RAPGEF1: variants seen among roughly 807,000 people sequenced by gnomAD.
RAPGEF1 encodes the protein Rap guanine nucleotide exchange factor 1.
RAPGEF1 carries 33 observed loss-of-function variants against 143.3 expected under a neutral mutation model. The ratio of observed to expected loss-of-function variants is 0.23; its 90% CI spans 0.17 to 0.31. The LOEUF is 0.31. Among genes scored for constraint, RAPGEF1 ranks in the 10% least tolerant of loss-of-function variants. The probability of loss-of-function intolerance (pLI) is 1.00; values close to 1 mark genes in which losing one functional copy is unlikely to be tolerated. For synonymous variants in RAPGEF1, 629 were observed against 676.5 expected (o/e 0.93, Z 1.09); for missense variants, 1,199 against 1,645.4 (o/e 0.73, Z 4.69).
In RAPGEF1 at chr9:131,607,245, A is replaced by G. The variant is rs80274551; in HGVS notation, c.2062-2057T>C. On this transcript the variant is annotated intron_variant, in intron 12 of 26. Transcript: ENST00000683357. ...CAGCACTGAACACTCAGGTACCTGT[A>G]CAAGTGAAGTTCCCTTCATATCCTT... Among the ~76,000 whole-genome samples the G allele has an allele frequency of 1.6e-4, 24 of 152,334 alleles. 1 individual carries two copies. In the East Asian group the frequency reaches 4.2e-3, roughly 27 times the overall value.
intron 5 of RAPGEF1, among the ~76,000 whole-genome samples, chr9:131,635,490 C>T (rs74421145): frequency 1.3e-5 from 2 of 152,072 alleles, no homozygotes; most frequent in African/African-American, 2.4e-5. Context: ...AGTGTAAGAA[C>T]GTCCAACGCC....
intron 1 of RAPGEF1, among the ~76,000 whole-genome samples, chr9:131,708,924 G>A (rs1417527678): frequency 3.3e-5 from 5 of 152,256 alleles, no homozygotes; most frequent in South Asian, 2.1e-4. Flanking sequence ...GTAGAGACGG[G>A]GTTTCGCCAG....
chr9:131,716,872 C>T (rs1203510497), intron 1 of RAPGEF1, among the ~76,000 whole-genome samples: 4 of 152,190 alleles, frequency 2.6e-5, no homozygotes, highest in Non-Finnish European at 2.9e-5. Context: ...TGGAGTCTGG[C>T]CCCAAATTAC....
chr9:131,585,361 TA>T (rs201575412), intron 22 of RAPGEF1, among the ~76,000 whole-genome samples: 42 of 108,206 alleles, frequency 3.9e-4, no homozygotes, highest in South Asian at 1.6e-3. Context: ...TAATTTTTTG[TA>T]GGGGGGGGGC....
At chr9:131,636,528 T>C (rs1389703632) in intron 5 of RAPGEF1, among the ~76,000 whole-genome samples, 6 of 152,206 alleles carry the variant, frequency 3.9e-5, no homozygotes, top group African/African-American at 9.6e-5. Context: ...ATAGAGGAAA[T>C]GTACTTGGGA....
rs118185641 is a variant in RAPGEF1, at chr9:131,655,688, A to G, written c.62-4739T>C. Among the ~76,000 whole-genome samples, 5,959 of 152,270 alleles carry G rather than the reference A, an allele frequency of 0.039. 239 individuals carry two copies. The highest frequency in any genetic ancestry group is 0.09 in the East Asian group (464 of 5,180). ...GGAGAATGGCGTGAATCCAGGAGGC[A>G]GAGCATGCAGTGCAAGATTGCACCA... On this transcript the variant is annotated intron_variant, in intron 1 of 26. Transcript: ENST00000683357. This position sits in a 1 kb window ranked among gnomAD's most constrained non-coding sequence, Gnocchi z 4.1.
intron 15 of RAPGEF1, 24 bp from the exon 16 acceptor site, chr9:131,598,334 T>C: frequency 1.2e-6 from 2 of 1,601,670 alleles, no homozygotes; most frequent in Non-Finnish European, 8.5e-7. Flanking sequence ...TGGTTTGTGT[T>C]GCAAGTGTCA....
chr9:131,704,298 A>G (rs1051286164), intron 1 of RAPGEF1, among the ~76,000 whole-genome samples: 3 of 150,152 alleles, frequency 2.0e-5, no homozygotes, highest in African/African-American at 7.4e-5. Context: ...AGGCAAGTCT[A>G]AACACCTTTG....
rs536941208 is a variant in RAPGEF1, at chr9:131,583,769, C to A, written c.3414+542G>T. Among the ~76,000 whole-genome samples, 2 of 152,296 alleles carry A rather than the reference C, an allele frequency of 1.3e-5. No individual in the cohort carries two copies. The highest frequency in any genetic ancestry group is 3.9e-4 in the East Asian group (2 of 5,182). ...TCCTCCTGTCCCTGGAGGTGCTGAC[C>A]CCCACCTGCTCCTGGCTGTGCACTC... is the stretch of plus-strand genomic sequence containing the variant. On this transcript the variant is annotated intron_variant, in intron 24 of 26. Coordinates refer to ENST00000683357, the MANE Select transcript of RAPGEF1 (RefSeq NM_001377935.1). The surrounding 1 kb of genome is among the most constrained non-coding windows in gnomAD (Gnocchi z 4.7).
chr9:131,620,539 G>A lies in RAPGEF1; in HGVS notation c.1905+1257C>T, dbSNP rs971007369. On this transcript the variant is annotated intron_variant, in intron 11 of 26. Coordinates refer to ENST00000683357, the MANE Select transcript of RAPGEF1 (RefSeq NM_001377935.1). The stretch of plus-strand genomic sequence containing the variant: ...ACATTCTCAATTGTGTCTGTGGGAC[G>A]GGCAGGGCAGGTGAGGATCTGAGAC... 7.2e-5 allele frequency among the ~76,000 whole-genome samples: 11 copies of A among 152,248 alleles called. No homozygotes were observed. The East Asian group carries it at 7.7e-4, about 11-fold the overall frequency.
intron 1 of RAPGEF1, among the ~76,000 whole-genome samples, chr9:131,654,004 T>C (rs192516947): frequency 1.3e-5 from 2 of 152,346 alleles, no homozygotes; most frequent in East Asian, 3.9e-4. Flanking sequence ...AAACATTATT[T>C]AAGCTAAAGC....
At chr9:131,692,328 T>C (rs1016618989) in intron 1 of RAPGEF1, among the ~76,000 whole-genome samples, 31 of 152,232 alleles carry the variant, frequency 2.0e-4, no homozygotes, top group Non-Finnish European at 2.9e-4. Flanking sequence ...CACCTGTTAT[T>C]AGATTGTAGC....
intron 1 of RAPGEF1, among the ~76,000 whole-genome samples, chr9:131,668,606 G>A (rs1051527797): frequency 8.5e-5 from 13 of 152,098 alleles, no homozygotes; most frequent in Admixed American, 3.3e-4. Flanking sequence ...AGCCCTAGCC[G>A]GTGTCCTGAA....
intron 1 of RAPGEF1, among the ~76,000 whole-genome samples, chr9:131,702,424 T>C (rs958023971): frequency 1.4e-4 from 22 of 152,224 alleles, no homozygotes; most frequent in African/African-American, 5.1e-4. Flanking sequence ...TTAAATTTTA[T>C]AACAAAATGG....
At chr9:131,640,659 C>A (rs764955849) in intron 4 of RAPGEF1, among the ~76,000 whole-genome samples, 1 of 152,154 alleles carries the variant, frequency 6.6e-6, no homozygotes, top group African/African-American at 2.4e-5. Flanking sequence ...ATTCAAAGCT[C>A]ATGCTAAGAG....
intron 12 of RAPGEF1, among the ~76,000 whole-genome samples, chr9:131,617,074 A>G (rs1490123012): frequency 6.6e-6 from 1 of 152,244 alleles, no homozygotes; most frequent in Non-Finnish European, 1.5e-5. Context: ...ACGTACTCAT[A>G]ACCAAACTTA....
intron 1 of RAPGEF1, among the ~76,000 whole-genome samples, chr9:131,683,510 AT>A (rs1410205823): frequency 1.6e-4 from 24 of 152,382 alleles, no homozygotes; most frequent in Admixed American, 2.0e-4. Context: ...TCCTGTTATA[AT>A]TCCAAAAAAT....
intron 1 of RAPGEF1, among the ~76,000 whole-genome samples, chr9:131,733,371 G>A (rs1363163741): frequency 1.5e-5 from 2 of 133,198 alleles, no homozygotes; most frequent in Non-Finnish European, 3.3e-5. Context: ...GGGGCGGGGG[G>A]GGGGGTGGTG....
chr9:131,710,765 T>C (rs946343972), intron 1 of RAPGEF1, among the ~76,000 whole-genome samples: 1 of 152,124 alleles, frequency 6.6e-6, no homozygotes, highest in African/African-American at 2.4e-5. Flanking sequence ...GGGACGAAGC[T>C]GTAATCCCAG....
Sources: allele counts gnomAD v4.1 joint callset (sites outside exome capture counted in the v4.1 genomes callset), GRCh38; gene constraint gnomAD v4.1.1; non-coding constraint Gnocchi (gnomAD v3.1); transcripts MANE v1.5; gene names NCBI Gene and HGNC (gene_info 2026-07-23, HGNC 2026-07-21).